The following POR variants were observed in gnomAD, a reference collection of about 807,000 sequenced individuals.
POR encodes cytochrome p450 oxidoreductase, also known as NADPH--cytochrome P450 reductase.
In POR, 56 loss-of-function variants were observed where a neutral mutation model predicts 84.0. That is an observed-to-expected ratio of 0.67 (90% CI 0.54 to 0.83). The LOEUF (loss-of-function observed/expected upper bound fraction) is 0.83. Ranked by LOEUF, POR falls within the 40% of genes least tolerant of loss-of-function variation. The probability of loss-of-function intolerance (pLI) is 0.00; values close to 1 mark genes in which losing one functional copy is unlikely to be tolerated. For missense variants in POR, 938 were observed against 944.3 expected (o/e 0.99, Z 0.09); for synonymous variants, 414 against 400.5 (o/e 1.03, Z -0.40).
In POR at chr7:75,985,026, A is replaced by C. The variant is rs782040907; in HGVS notation, c.1249-32A>C. The C allele has an allele frequency of 3.2e-6, 5 of 1,581,718 alleles. No homozygotes were observed. In the East Asian group the frequency reaches 9.0e-5, roughly 29 times the overall value. On this transcript the variant is annotated intron_variant, in intron 11 of 15. Transcript: ENST00000461988. ...CCGTTTTCCGAGCTCCGTGGGCCCCAATCAGCCCCATCTCACCCCCGTGTC... is the reference window on the plus strand; with the variant it reads ...CCGTTTTCCGAGCTCCGTGGGCCCCCATCAGCCCCATCTCACCCCCGTGTC...
intron 1 of POR, among the ~76,000 whole-genome samples, chr7:75,929,809 C>G (rs991843346): frequency 2.0e-5 from 3 of 152,172 alleles, no homozygotes; most frequent in Non-Finnish European, 4.4e-5. Context: ...CAGAGCACCC[C>G]CTGTGACTCC....
Position 75,971,743 on chromosome 7 carries a change from C to A in POR, c.189-670C>A, listed in dbSNP as rs1285048767. Among the ~76,000 whole-genome samples the A allele has an allele frequency of 2.0e-5, 3 of 152,102 alleles. No individual in the cohort carries two copies. In the South Asian group the frequency reaches 6.3e-4, roughly 32 times the overall value. On this transcript the variant is annotated intron_variant, in intron 2 of 15. Coordinates refer to ENST00000461988, the MANE Select transcript of POR (RefSeq NM_000941.3). ...TGACCCTTGCGCAGGACCTTGAGGG[C>A]AGAGCGGGGGTCAGCCAGGTGAGGG...
intron 8 of POR, among the ~76,000 whole-genome samples, chr7:75,982,839 C>T (rs1259209419): frequency 1.3e-5 from 2 of 152,156 alleles, no homozygotes; most frequent in Non-Finnish European, 2.9e-5. Context: ...GGTGGCTTTC[C>T]GGAGTGCAAG....
At position 75,985,798 on chromosome 7, in the gene POR, G is replaced by A; in HGVS notation, c.1618G>A (p.Val540Met). The A allele has an allele frequency of 1.3e-6, 2 of 1,566,900 alleles. No homozygotes were observed. Among genetic ancestry groups the A allele is most frequent in the Non-Finnish European group, 1.7e-6 (2 of 1,156,122 alleles). ...CATCATGGTGGGCCCCGGCACCGGG[G>A]TGGCACCCTTCATAGGCTTCATCCA... Residue 540 changes from valine (V) to methionine (M), a missense_variant, in exon 13 of 16, where the codon GTG becomes ATG. Transcript: ENST00000461988.
intron 1 of POR, among the ~76,000 whole-genome samples, chr7:75,926,484 T>C (rs974598139): frequency 2.0e-5 from 3 of 152,104 alleles, no homozygotes; most frequent in African/African-American, 7.2e-5. Context: ...TCTGTTCATT[T>C]AGTCATTCAG....
At chr7:75,944,026 T>C (rs73363952) in intron 1 of POR, 14,732 of 339,482 alleles carry the variant, frequency 0.043, 1,634 homozygotes, top group African/African-American at 0.26. Context: ...GGAGTGACAT[T>C]AGAGGAGGCC....
At chr7:75,937,980 G>A (rs782490410) in intron 1 of POR, among the ~76,000 whole-genome samples, 12 of 152,186 alleles carry the variant, frequency 7.9e-5, no homozygotes, top group African/African-American at 1.9e-4. Context: ...AGCCAAGGCC[G>A]CAGAGATGCT....
At chr7:75,940,959 G>T (rs1032636802) in intron 1 of POR, among the ~76,000 whole-genome samples, 7 of 152,154 alleles carry the variant, frequency 4.6e-5, no homozygotes, top group African/African-American at 1.7e-4. Flanking sequence ...CCAGGAGTTT[G>T]AGACCAGCCT....
At chr7:75,958,623 C>T (rs1787789780) in intron 2 of POR, among the ~76,000 whole-genome samples, 1 of 152,150 alleles carries the variant, frequency 6.6e-6, no homozygotes, top group Non-Finnish European at 1.5e-5. Context: ...GTTTTCTCTA[C>T]TTTGCCATGC....
Position 75,985,957 on chromosome 7 carries a change from C to T in POR, c.1704C>T (p.Gly568=). Residue 568 remains glycine (G), a synonymous_variant, in exon 14 of 16, where the codon GGC becomes GGT. Transcript: ENST00000461988. ...TGGGGGAGACGCTGCTGTACTACGG[C>T]TGCCGCCGCTCGGATGAGGACTACC... 6.3e-7 allele frequency: 1 copy of T among 1,588,508 alleles called. No individual in the cohort carries two copies. The highest frequency in any genetic ancestry group is 8.6e-7 in the Non-Finnish European group (1 of 1,169,000).
chr7:75,981,799 G>A (rs1203285393), intron 7 of POR, 193 bp downstream of exon 7: 7 of 597,242 alleles, frequency 1.2e-5, no homozygotes, highest in African/African-American at 1.1e-4. Flanking sequence ...GGGCAGCGGG[G>A]TGCATCCCAC....
At position 75,980,341 on chromosome 7, in the gene POR, C is replaced by A; in HGVS notation, c.369C>A (p.Ala123=). The A allele has an allele frequency of 6.2e-7, 1 of 1,612,082 alleles. No homozygotes were observed. Among genetic ancestry groups the A allele is most frequent in the Non-Finnish European group, 8.5e-7 (1 of 1,179,102 alleles). ...CGGTCCTGTCCCTGTTTCTGCAGGC[C>A]GACCTGAGCAGCCTGCCAGAGATCG... Residue 123 remains alanine (A), a splice_region_variant and synonymous_variant, in exon 5 of 16, where the codon GCC becomes GCA. Coordinates refer to ENST00000461988, the MANE Select transcript of POR (RefSeq NM_000941.3).
chr7:75,981,401 A>G, intron 6 of POR, 116 bp from the exon 7 acceptor site: 1 of 1,196,096 alleles, frequency 8.4e-7, no homozygotes. Flanking sequence ...TGGGTGCCCC[A>G]GGGTGCACAG....
In POR at chr7:75,981,548, C is replaced by A. The variant is rs782187926; in HGVS notation, c.673C>A (p.Gln225Lys). 1 of 1,612,984 alleles carries A rather than the reference C, an allele frequency of 6.2e-7. No individual in the cohort carries two copies. Among genetic ancestry groups the A allele is most frequent in the South Asian group, 1.1e-5 (1 of 90,988 alleles). Residue 225 changes from glutamine (Q) to lysine (K), a missense_variant, in exon 7 of 16, where the codon CAG (glutamine) becomes AAG (lysine). By Grantham distance (53) the Gln-to-Lys change is moderately conservative (BLOSUM62 1). Coordinates refer to ENST00000461988, the MANE Select transcript of POR (RefSeq NM_000941.3). ...GGAGGACTTCATCACCTGGCGAGAGCAGTTCTGGCCGGCCGTGTGTGAACA... is the reference window on the plus strand; with the variant it reads ...GGAGGACTTCATCACCTGGCGAGAGAAGTTCTGGCCGGCCGTGTGTGAACA...
At chr7:75,980,649 G>T in intron 5 of POR, 161 bp downstream of exon 5, 1 of 1,551,274 alleles carries the variant, frequency 6.4e-7, no homozygotes, top group Non-Finnish European at 8.7e-7. Context: ...CCAGACCCCA[G>T]CACTACGAGA....
At chr7:75,919,324 A>T (rs367837356) in intron 1 of POR, among the ~76,000 whole-genome samples, 4 of 151,950 alleles carry the variant, frequency 2.6e-5, no homozygotes, top group African/African-American at 9.7e-5. Context: ...CGAGATGTTT[A>T]CATCAGTTGT....
At chr7:75,953,904 C>T in intron 1 of POR, 85 bp from the exon 2 acceptor site, 1 of 1,108,596 alleles carries the variant, frequency 9.0e-7, no homozygotes, top group Admixed American at 2.5e-5. Context: ...AGGGGCAAGG[C>T]CCAGCATTTA....
At chr7:75,916,808 G>T (rs1806590430) in intron 1 of POR, among the ~76,000 whole-genome samples, 1 of 152,104 alleles carries the variant, frequency 6.6e-6, no homozygotes, top group Non-Finnish European at 1.5e-5. Context: ...TGTAAATCAG[G>T]TGTGGATCGT....
At chr7:75,945,586 G>T (rs1351775791) in intron 1 of POR, among the ~76,000 whole-genome samples, 3 of 152,076 alleles carry the variant, frequency 2.0e-5, no homozygotes, top group Non-Finnish European at 2.9e-5. Flanking sequence ...CAACAGTAGG[G>T]TATGGTTCCA....
Sources: gnomAD v4.1 joint callset for allele counts (sites outside exome capture counted in the v4.1 genomes callset) on GRCh38, gnomAD v4.1.1 for gene constraint, MANE v1.5 for transcripts, NCBI Gene and HGNC (gene_info 2026-07-23, HGNC 2026-07-21) for gene names.